The following RALYL variants were observed in gnomAD, a reference collection of about 807,000 sequenced individuals.
RALYL encodes RNA-binding Raly-like protein.
In RALYL, 29 loss-of-function variants were observed where a neutral mutation model predicts 35.1. The observed-to-expected ratio is 0.83, with a 90% CI of 0.61 to 1.13. The LOEUF (loss-of-function observed/expected upper bound fraction) is 1.13, where lower values mean the gene tolerates loss of function less well. Among genes scored for constraint, RALYL ranks in the 50% most tolerant of loss-of-function variants. RALYL has a pLI of 0.00. For synonymous variants in RALYL, 120 were observed against 127.6 expected (o/e 0.94, Z 0.40); for missense variants, 359 against 360.4 (o/e 1.00, Z 0.03).
chr8:84,888,124 A>G (rs909369313), intron 8 of RALYL, among the ~76,000 whole-genome samples: 6 of 152,242 alleles, frequency 3.9e-5, no homozygotes, highest in African/African-American at 1.4e-4. Flanking sequence ...TCCTGGTAAC[A>G]AACTACAATA....
intron 2 of RALYL, among the ~76,000 whole-genome samples, chr8:84,602,240 A>G (rs1349328183): frequency 6.6e-6 from 1 of 151,752 alleles, no homozygotes; most frequent in Non-Finnish European, 1.5e-5. Context: ...ACTGTTTTTC[A>G]TCTTTCCCTA....
At chr8:84,534,857 A>G (rs2059495128) in intron 2 of RALYL, among the ~76,000 whole-genome samples, 1 of 152,220 alleles carries the variant, frequency 6.6e-6, no homozygotes, top group African/African-American at 2.4e-5. Flanking sequence ...TCTTCAACAG[A>G]CATTCCAAAG....
At chr8:84,681,896 G>A (rs955417777) in intron 2 of RALYL, among the ~76,000 whole-genome samples, 1 of 152,176 alleles carries the variant, frequency 6.6e-6, no homozygotes, top group Non-Finnish European at 1.5e-5. Context: ...AGTGGTGAGA[G>A]AGGGCATCCC....
At chr8:84,345,375 G>C (rs764282926) in intron 1 of RALYL, among the ~76,000 whole-genome samples, 1 of 151,834 alleles carries the variant, frequency 6.6e-6, no homozygotes, top group Non-Finnish European at 1.5e-5. Flanking sequence ...CCTCACAAAG[G>C]CAGTTTAGAA....
At chr8:84,668,087 G>T (rs1453253086) in intron 2 of RALYL, among the ~76,000 whole-genome samples, 1 of 152,084 alleles carries the variant, frequency 6.6e-6, no homozygotes. Flanking sequence ...ATGATGAAAA[G>T]GTGTGTGATA....
At chr8:84,579,855 A>G (rs1328025627) in intron 2 of RALYL, among the ~76,000 whole-genome samples, 2 of 152,248 alleles carry the variant, frequency 1.3e-5, no homozygotes, top group Non-Finnish European at 2.9e-5. Context: ...AAACAATATG[A>G]ATCACAGATA....
intron 1 of RALYL, among the ~76,000 whole-genome samples, chr8:84,451,366 T>C (rs973642677): frequency 2.0e-5 from 3 of 152,026 alleles, no homozygotes; most frequent in East Asian, 1.9e-4. Flanking sequence ...GAAACTGATA[T>C]AGTATGCTCC....
chr8:84,328,766 C>G (rs1287962425), intron 1 of RALYL, among the ~76,000 whole-genome samples: 1 of 152,126 alleles, frequency 6.6e-6, no homozygotes, highest in Non-Finnish European at 1.5e-5. Context: ...CTCTCCCTCC[C>G]CACTCTGGGA....
intron 3 of RALYL, among the ~76,000 whole-genome samples, chr8:84,782,063 A>G (rs963412862): frequency 2.7e-5 from 4 of 146,868 alleles, no homozygotes; most frequent in Non-Finnish European, 6.0e-5. Context: ...ACACACACAC[A>G]GGTTTTAAAG....
At chr8:84,469,935 A>G (rs1377615732) in intron 1 of RALYL, among the ~76,000 whole-genome samples, 1 of 152,180 alleles carries the variant, frequency 6.6e-6, no homozygotes, top group African/African-American at 2.4e-5. Context: ...TCTTTGACTC[A>G]GACAGGGAAC....
At chr8:84,650,204 A>G (rs1216084093) in intron 2 of RALYL, among the ~76,000 whole-genome samples, 2 of 151,952 alleles carry the variant, frequency 1.3e-5, no homozygotes, top group African/African-American at 2.4e-5. Flanking sequence ...GGTTTTCTAG[A>G]TATACAATCA....
At chr8:84,526,865 T>G (rs1464305415) in intron 1 of RALYL, among the ~76,000 whole-genome samples, 2 of 152,214 alleles carry the variant, frequency 1.3e-5, no homozygotes, top group African/African-American at 2.4e-5. Flanking sequence ...TCAGATGTAA[T>G]GGCTCTGTAC....
At chr8:84,754,651 G>A (rs974494835) in intron 2 of RALYL, among the ~76,000 whole-genome samples, 3 of 152,018 alleles carry the variant, frequency 2.0e-5, no homozygotes, top group African/African-American at 7.2e-5. Context: ...CTTTTTCAGT[G>A]TAGAGATGAA....
chr8:84,610,004 A>G (rs765580357), intron 2 of RALYL, among the ~76,000 whole-genome samples: 1 of 152,104 alleles, frequency 6.6e-6, no homozygotes, highest in Non-Finnish European at 1.5e-5. Context: ...AACATACGAA[A>G]GACCCGCCCC....
chr8:84,871,599 A>T (rs1030071794), intron 6 of RALYL, among the ~76,000 whole-genome samples: 5 of 152,180 alleles, frequency 3.3e-5, no homozygotes, highest in African/African-American at 1.2e-4. Context: ...CTGCAATTCC[A>T]CAATGGTACT....
At chr8:84,527,337 G>A (rs1159310247) in intron 1 of RALYL, among the ~76,000 whole-genome samples, 2 of 152,102 alleles carry the variant, frequency 1.3e-5, no homozygotes, top group African/African-American at 2.4e-5. Context: ...CTGTACCCTC[G>A]AATTAAATTT....
chr8:84,858,944 T>C (rs1057183749), intron 5 of RALYL, among the ~76,000 whole-genome samples: 2 of 152,218 alleles, frequency 1.3e-5, no homozygotes, highest in African/African-American at 4.8e-5. Flanking sequence ...TTAAAAATTA[T>C]GCCCTCGTGT....
intron 1 of RALYL, among the ~76,000 whole-genome samples, chr8:84,403,799 T>G (rs2043185063): frequency 6.6e-6 from 1 of 152,130 alleles, no homozygotes; most frequent in Non-Finnish European, 1.5e-5. Context: ...ACAATATTGA[T>G]TCTTCCTATC....
intron 1 of RALYL, among the ~76,000 whole-genome samples, chr8:84,270,549 A>T (rs539476563): frequency 7.6e-6 from 1 of 132,260 alleles, no homozygotes; most frequent in East Asian, 2.3e-4. Flanking sequence ...AGTGACATGA[A>T]ATTCGTGTGT....
Sources: gnomAD v4.1 joint callset for allele counts (sites outside exome capture counted in the v4.1 genomes callset) on GRCh38, gnomAD v4.1.1 for gene constraint, MANE v1.5 for transcripts, NCBI Gene and HGNC (gene_info 2026-07-23, HGNC 2026-07-21) for gene names.